CSMD1: variants seen among roughly 807,000 people sequenced by gnomAD.
CSMD1 encodes the protein CUB and sushi domain-containing protein 1.
CSMD1 carries 213 observed loss-of-function variants against 417.5 expected under a neutral mutation model. That is an observed-to-expected ratio of 0.51 (90% CI 0.46 to 0.57). The LOEUF (loss-of-function observed/expected upper bound fraction) is 0.57. CSMD1 is among the 20% of genes least tolerant of loss of function. The pLI, the probability that CSMD1 is intolerant of heterozygous loss-of-function variation, is 0.00. For missense variants in CSMD1, 6,923 were observed against 4,529.7 expected (o/e 1.53, Z -15.17); for synonymous variants, 2,862 against 1,736.8 (o/e 1.65, Z -16.11).
intron 3 of CSMD1, among the ~76,000 whole-genome samples, chr8:4,379,990 G>T (rs1022303421): frequency 5.9e-5 from 9 of 152,204 alleles, no homozygotes; most frequent in Non-Finnish European, 1.5e-5. Flanking sequence ...AATAGCATCA[G>T]TATTGCAGAG....
chr8:3,275,410 G>A (rs150934880), intron 26 of CSMD1, among the ~76,000 whole-genome samples: 1 of 151,890 alleles, frequency 6.6e-6, no homozygotes. Flanking sequence ...ATGTGTCTTG[G>A]TGTTGCTCTT....
At chr8:4,128,721 C>T (rs199986469) in intron 3 of CSMD1, among the ~76,000 whole-genome samples, 2 of 152,114 alleles carry the variant, frequency 1.3e-5, no homozygotes, top group African/African-American at 4.8e-5. Flanking sequence ...CTCATCCTTG[C>T]TGGATACTTA....
chr8:3,684,098 GATATT>G (rs952348824), intron 7 of CSMD1, among the ~76,000 whole-genome samples: 1 of 144,656 alleles, frequency 6.9e-6, no homozygotes, highest in African/African-American at 2.5e-5. Flanking sequence ...TAAATGTATA[GATATT>G]ATATATTATA....
intron 10 of CSMD1, among the ~76,000 whole-genome samples, chr8:3,520,780 C>A (rs945790210): frequency 2.6e-5 from 4 of 151,988 alleles, no homozygotes; most frequent in African/African-American, 9.7e-5. Context: ...AGTCTCCAAA[C>A]CCCATCACCA....
intron 10 of CSMD1, among the ~76,000 whole-genome samples, chr8:3,547,017 T>C (rs925128202): frequency 3.9e-5 from 6 of 152,168 alleles, no homozygotes; most frequent in Non-Finnish European, 7.3e-5. Context: ...TGTCCACAGA[T>C]GTGGGGCTGG....
At chr8:4,747,617 G>T (rs1211168981) in intron 1 of CSMD1, among the ~76,000 whole-genome samples, 2 of 152,118 alleles carry the variant, frequency 1.3e-5, no homozygotes, top group Non-Finnish European at 2.9e-5. Context: ...TCTTTATTCT[G>T]GAGTTAGCAT....
At chr8:4,130,892 G>C (rs984298916) in intron 3 of CSMD1, among the ~76,000 whole-genome samples, 6 of 151,738 alleles carry the variant, frequency 4.0e-5, no homozygotes, top group Non-Finnish European at 5.9e-5. Flanking sequence ...GAGATAGGTA[G>C]AACAATGCAT....
At chr8:3,354,802 T>TCC (rs1808633659) in intron 21 of CSMD1, among the ~76,000 whole-genome samples, 1 of 129,840 alleles carries the variant, frequency 7.7e-6, no homozygotes, top group East Asian at 2.7e-4. Flanking sequence ...CACTAAACTC[T>TCC]CTCTCTCTCT....
At chr8:4,489,847 T>C (rs1486440190) in intron 2 of CSMD1, among the ~76,000 whole-genome samples, 1 of 151,892 alleles carries the variant, frequency 6.6e-6, no homozygotes, top group East Asian at 1.9e-4. Context: ...CCTTGTGAGG[T>C]CGTAAGCAGG....
intron 1 of CSMD1, among the ~76,000 whole-genome samples, chr8:4,756,835 AAC>A (rs1445979976): frequency 1.3e-5 from 2 of 152,228 alleles, no homozygotes; most frequent in African/African-American, 2.4e-5. Flanking sequence ...GCCCAGGTAT[AAC>A]ACAGTGACTG....
chr8:4,445,374 G>T (rs1033497222), intron 2 of CSMD1, among the ~76,000 whole-genome samples: 4 of 152,032 alleles, frequency 2.6e-5, no homozygotes, highest in African/African-American at 9.7e-5. Context: ...TCTCATTTGA[G>T]GAGCTCAACA....
chr8:3,757,371 T>G (rs931142609), intron 5 of CSMD1, among the ~76,000 whole-genome samples: 1 of 152,202 alleles, frequency 6.6e-6, no homozygotes, highest in East Asian at 1.9e-4. Context: ...AAAATGGCAG[T>G]GGGTGTGTTC....
At chr8:4,262,990 T>C (rs1427821583) in intron 3 of CSMD1, among the ~76,000 whole-genome samples, 2 of 152,298 alleles carry the variant, frequency 1.3e-5, no homozygotes, top group East Asian at 3.9e-4. Context: ...TTATACGCCT[T>C]TAGCTCAGTC....
At chr8:4,321,015 T>G (rs945408838) in intron 3 of CSMD1, among the ~76,000 whole-genome samples, 1 of 152,182 alleles carries the variant, frequency 6.6e-6, no homozygotes, top group Non-Finnish European at 1.5e-5. Flanking sequence ...AATTATTTAT[T>G]TCCCATACAC....
chr8:4,284,019 G>C (rs989197587), intron 3 of CSMD1, among the ~76,000 whole-genome samples: 10 of 152,062 alleles, frequency 6.6e-5, no homozygotes, highest in African/African-American at 1.9e-4. Flanking sequence ...AATCACTTGA[G>C]GTCAGGAATT....
intron 5 of CSMD1, among the ~76,000 whole-genome samples, chr8:3,972,001 G>A (rs750676248): frequency 6.6e-6 from 1 of 152,022 alleles, no homozygotes. Flanking sequence ...TGACCTCCCA[G>A]GCTCAAGTAA....
chr8:3,715,573 C>T (rs1207062157), intron 6 of CSMD1, among the ~76,000 whole-genome samples: 1 of 152,138 alleles, frequency 6.6e-6, no homozygotes, highest in African/African-American at 2.4e-5. Context: ...GACAGAGTCT[C>T]ACTCTGTCAT....
chr8:3,741,959 A>G (rs1584931617), intron 6 of CSMD1, among the ~76,000 whole-genome samples: 1 of 146,674 alleles, frequency 6.8e-6, no homozygotes, highest in South Asian at 2.2e-4. Context: ...ATCTAATTCC[A>G]CTTTTTCCAA....
At chr8:4,129,686 T>C (rs1462058750) in intron 3 of CSMD1, among the ~76,000 whole-genome samples, 2 of 152,316 alleles carry the variant, frequency 1.3e-5, no homozygotes, top group South Asian at 2.1e-4. Context: ...CCTAATGACA[T>C]TTTGTTATAC....
Sources: allele counts gnomAD v4.1 joint callset (sites outside exome capture counted in the v4.1 genomes callset), GRCh38; gene constraint gnomAD v4.1.1; transcripts MANE v1.5; gene names NCBI Gene and HGNC (gene_info 2026-07-23, HGNC 2026-07-21).